KLHL12: variants seen among roughly 807,000 people sequenced by gnomAD.
The protein encoded by KLHL12 is kelch-like protein 12.
A neutral mutation model predicts 60.8 loss-of-function variants in KLHL12; 17 were observed. That is an observed-to-expected ratio of 0.28 (90% CI 0.19 to 0.42). The LOEUF (loss-of-function observed/expected upper bound fraction) is 0.42, where lower values mean the gene tolerates loss of function less well. KLHL12 is among the 10% of genes least tolerant of loss of function. The pLI is 1.00. For synonymous variants in KLHL12, 220 were observed against 250.9 expected (o/e 0.88, Z 1.16); for missense variants, 468 against 722.3 (o/e 0.65, Z 4.04).
chr1:202,903,991 T>C (rs960554352), intron 6 of KLHL12, among the ~76,000 whole-genome samples: 1 of 151,270 alleles, frequency 6.6e-6, no homozygotes, highest in Non-Finnish European at 1.5e-5. Flanking sequence ...TATCTATCTA[T>C]GTATCTATCT....
At chr1:202,917,304 T>C (rs1193504362) in intron 4 of KLHL12, among the ~76,000 whole-genome samples, 1 of 152,052 alleles carries the variant, frequency 6.6e-6, no homozygotes, top group African/African-American at 2.4e-5. Flanking sequence ...AGCCTCAAAC[T>C]CCCAGGCTCC....
intron 8 of KLHL12, 144 bp from the exon 9 acceptor site, chr1:202,894,893 T>C (rs1260274579): frequency 5.9e-6 from 4 of 676,086 alleles, no homozygotes; most frequent in African/African-American, 1.8e-5. Flanking sequence ...TTAAGTTTTA[T>C]AGACAAGGAA....
Position 202,897,116 on chromosome 1 carries a change from TG to T in KLHL12, c.833-157del, listed in dbSNP as rs1051086811. 3.9e-5 allele frequency among the ~76,000 whole-genome samples: 6 copies of T among 152,048 alleles called. 1 individual carries two copies. The highest frequency in any genetic ancestry group is 3.9e-4 in the Admixed American group (6 of 15,252). ...GGGAGATAATCATAAGGCTGTCGAATGGGGAGTTATTTTTCCTTGAGGCTGT... is the reference window on the plus strand; with the variant it reads ...GGGAGATAATCATAAGGCTGTCGAATGGGAGTTATTTTTCCTTGAGGCTGT... On this transcript the variant is annotated intron_variant, in intron 6 of 11. Coordinates refer to ENST00000367261, the MANE Select transcript of KLHL12 (RefSeq NM_021633.4).
At chr1:202,915,161 G>C (rs776342696) in intron 4 of KLHL12, among the ~76,000 whole-genome samples, 1 of 152,088 alleles carries the variant, frequency 6.6e-6, no homozygotes, top group Non-Finnish European at 1.5e-5. Context: ...TTTATGCTCA[G>C]AACAGTCCTG....
chr1:202,927,973 C>CTT (rs1653695550), upstream of KLHL12, among the ~76,000 whole-genome samples: 1 of 109,300 alleles, frequency 9.1e-6, no homozygotes, highest in Non-Finnish European at 1.8e-5. Context: ...GACTGAGACT[C>CTT]TGTCTCTTAA....
rs1659673406 is a variant in KLHL12 at position 202,891,467 on chromosome 1, C to T, written c.*1066G>A. Reference sequence around the variant, plus strand: ...ACTAGATGTACCAAACACAGCAGTACAAACCACTCCTTGGCAGACATGTGC... The same window carrying T: ...ACTAGATGTACCAAACACAGCAGTATAAACCACTCCTTGGCAGACATGTGC... On this transcript the variant is annotated 3_prime_UTR_variant, in exon 12 of 12. Transcript: ENST00000367261. 6.6e-6 allele frequency: 1 copy of T among 152,544 alleles called. No individual in the cohort carries two copies. Among genetic ancestry groups the T allele is most frequent in the Non-Finnish European group, 1.5e-5 (1 of 68,052 alleles). The allele number at this position is 152,544 out of a possible 1,614,324, so 9.4% of individuals were successfully genotyped here.
At chr1:202,899,947 C>T (rs952651408) in intron 6 of KLHL12, among the ~76,000 whole-genome samples, 1 of 152,052 alleles carries the variant, frequency 6.6e-6, no homozygotes, top group African/African-American at 2.4e-5. Flanking sequence ...GAAGCTAGGA[C>T]CACAAGTTAT....
At chr1:202,918,112 T>G in intron 4 of KLHL12, 59 bp downstream of exon 4, 1 of 1,261,556 alleles carries the variant, frequency 7.9e-7, no homozygotes, top group Non-Finnish European at 1.1e-6. Flanking sequence ...TGCATCCTAT[T>G]TGCAAGTTTT....
At chr1:202,907,910 T>C (rs914281697) in intron 6 of KLHL12, among the ~76,000 whole-genome samples, 1 of 151,750 alleles carries the variant, frequency 6.6e-6, no homozygotes, top group African/African-American at 2.4e-5. Flanking sequence ...CTCATTTCTA[T>C]TAAAAAAAAT....
intron 1 of KLHL12, among the ~76,000 whole-genome samples, chr1:202,926,875 C>T (rs1482632222): frequency 6.6e-6 from 1 of 152,164 alleles, no homozygotes; most frequent in African/African-American, 2.4e-5. Context: ...TGGCCGCCAC[C>T]GCCAGGTGGA....
intron 2 of KLHL12, among the ~76,000 whole-genome samples, chr1:202,921,318 G>A (rs1467593800): frequency 1.3e-5 from 2 of 152,108 alleles, no homozygotes; most frequent in Admixed American, 6.6e-5. Flanking sequence ...GGGACTACAG[G>A]CACATGCCAC....
At chr1:202,907,075 A>G (rs1030741767) in intron 6 of KLHL12, among the ~76,000 whole-genome samples, 6 of 152,180 alleles carry the variant, frequency 3.9e-5, no homozygotes, top group Admixed American at 3.3e-4. Context: ...CAGTCCTTCA[A>G]TCTATCTTGT....
At chr1:202,913,208 G>T (rs977358149) in intron 4 of KLHL12, among the ~76,000 whole-genome samples, 2 of 152,046 alleles carry the variant, frequency 1.3e-5, no homozygotes, top group African/African-American at 4.8e-5. Flanking sequence ...TAGATAATGT[G>T]AGATACACTC....
chr1:202,899,894 T>C (rs1298370709), intron 6 of KLHL12, among the ~76,000 whole-genome samples: 4 of 151,906 alleles, frequency 2.6e-5, no homozygotes, highest in Non-Finnish European at 4.4e-5. Context: ...TCTTTAGTGA[T>C]TGAAGTAATT....
intron 6 of KLHL12, among the ~76,000 whole-genome samples, chr1:202,906,755 G>A (rs557590880): frequency 6.4e-4 from 97 of 152,124 alleles, no homozygotes; most frequent in African/African-American, 2.2e-3. Flanking sequence ...TCCGCCTCCC[G>A]GGTTCAAGCG....
chr1:202,905,526 T>G (rs1660154829), intron 6 of KLHL12, among the ~76,000 whole-genome samples: 1 of 152,194 alleles, frequency 6.6e-6, no homozygotes, highest in African/African-American at 2.4e-5. Context: ...ATGTCTTATC[T>G]CCTAGTGCCA....
chr1:202,918,793 T>C (rs1352369751), intron 3 of KLHL12, among the ~76,000 whole-genome samples: 1 of 152,214 alleles, frequency 6.6e-6, no homozygotes, highest in Non-Finnish European at 1.5e-5. Context: ...GAGAAGATAG[T>C]AATAACAAAT....
At chr1:202,911,750 G>A (rs1265345949) in intron 4 of KLHL12, 7 of 641,948 alleles carry the variant, frequency 1.1e-5, no homozygotes, top group Admixed American at 7.2e-5. Context: ...AAGCATTATC[G>A]CCTTTCTGCC....
chr1:202,922,864 A>AAG (rs556064563), intron 2 of KLHL12, among the ~76,000 whole-genome samples: 10 of 151,504 alleles, frequency 6.6e-5, no homozygotes, highest in South Asian at 2.1e-4. Flanking sequence ...GGAAAAAAAA[A>AAG]AGAGAGAGAG....
Sources: gnomAD v4.1 joint callset for allele counts (sites outside exome capture counted in the v4.1 genomes callset) on GRCh38, gnomAD v4.1.1 for gene constraint, MANE v1.5 for transcripts, NCBI Gene and HGNC (gene_info 2026-07-23, HGNC 2026-07-21) for gene names.